The following KPNA7 variants were observed in gnomAD, a reference collection of about 807,000 sequenced individuals.
KPNA7 encodes the protein karyopherin subunit alpha 7, also known as importin subunit alpha-8.
A neutral mutation model predicts 53.7 loss-of-function variants in KPNA7; 54 were observed. That is an observed-to-expected ratio of 1.01 (90% CI 0.81 to 1.26). The LOEUF (loss-of-function observed/expected upper bound fraction) is 1.26, where lower values mean the gene tolerates loss of function less well. Among genes scored for constraint, KPNA7 ranks in the 50% most tolerant of loss-of-function variants. KPNA7 has a pLI of 0.00. For missense variants in KPNA7, 640 were observed against 644.5 expected, an observed-to-expected ratio of 0.99 and a Z score of 0.07; for synonymous variants, 276 against 259.3, an observed-to-expected ratio of 1.06 and a Z score of -0.62.
chr7:99,207,956 C>CAGA (rs908480714), intron 1 of KPNA7, among the ~76,000 whole-genome samples, 72 bp downstream of exon 1: 1 of 150,594 alleles, frequency 6.6e-6, no homozygotes, highest in Non-Finnish European at 1.5e-5. Flanking sequence ...TTTTTGGGAC[C>CAGA]AGAGAAGCTG....
intron 7 of KPNA7, among the ~76,000 whole-genome samples, chr7:99,187,485 C>G (rs907864599): frequency 6.6e-6 from 1 of 151,154 alleles, no homozygotes; most frequent in Non-Finnish European, 1.5e-5. Context: ...AACTTCTGGG[C>G]TCAATAAATT....
chr7:99,204,070 A>G (rs1419312733), intron 2 of KPNA7, among the ~76,000 whole-genome samples: 1 of 152,098 alleles, frequency 6.6e-6, no homozygotes, highest in Admixed American at 6.6e-5. Flanking sequence ...CCAAGTCTAC[A>G]TACTGAGGGA....
chr7:99,181,898 G>A lies in KPNA7; in HGVS notation c.1302C>T (p.Ile434=), dbSNP rs1789265216. ...AACGGCTCACCTGGAGGATGCAAGA[G>A]ATGACATCAAGGATGATGAGAACAA... The part of the protein sequence containing the change: ...VKIVLIILDV[I]SCILQAAEKR... The change falls in exon 9 of 11, where the codon ATC becomes ATT. Residue 434 remains isoleucine (I), a synonymous_variant. Coordinates refer to ENST00000327442, the MANE Select transcript of KPNA7 (RefSeq NM_001145715.3). 2 of 1,546,090 alleles carry A rather than the reference G, an allele frequency of 1.3e-6. No individual in the cohort carries two copies. Among genetic ancestry groups the A allele is most frequent in the Admixed American group, 2.0e-5 (1 of 50,792 alleles).
At chr7:99,219,141 G>A (rs2150792932) in intron 1 of KPNA7, among the ~76,000 whole-genome samples, 1 of 152,360 alleles carries the variant, frequency 6.6e-6, no homozygotes, top group East Asian at 1.9e-4. Flanking sequence ...GCAAGAGGCT[G>A]ATTGAGTTGG....
At position 99,173,702 on chromosome 7, in the gene KPNA7, G is replaced by T; in HGVS notation, c.*6C>A. On this transcript the variant is annotated 3_prime_UTR_variant, in exon 11 of 11. Transcript: ENST00000327442. ...GGGTTGTTGGTTTAGGAGGTAGGGA[G>T]CTTGGCTATTTTTTTGCTAAGCATT... 6.5e-7 allele frequency: 1 copy of T among 1,539,968 alleles called. No individual in the cohort carries two copies. The highest frequency in any genetic ancestry group is 1.4e-5 in the African/African-American group (1 of 72,938).
chr7:99,151,884 A>G, the KPNA7 span, among the ~76,000 whole-genome samples: 4 of 152,230 alleles, frequency 2.6e-5, no homozygotes, highest in Admixed American at 6.5e-5. Context: ...ACATAAATGC[A>G]TCATTAAAAC....
At chr7:99,193,958 A>C (rs749001005) in intron 5 of KPNA7, among the ~76,000 whole-genome samples, 1 of 152,168 alleles carries the variant, frequency 6.6e-6, no homozygotes, top group African/African-American at 2.4e-5. Context: ...GATTAAAGGC[A>C]TGAGTCACTA....
chr7:99,165,387 G>A, the KPNA7 span, among the ~76,000 whole-genome samples: 1 of 151,912 alleles, frequency 6.6e-6, no homozygotes, highest in Non-Finnish European at 1.5e-5. Context: ...GAGGAAAGAG[G>A]GTACAGAGTC....
chr7:99,217,229 C>T (rs1016637860), intron 1 of KPNA7, among the ~76,000 whole-genome samples: 1 of 152,164 alleles, frequency 6.6e-6, no homozygotes, highest in African/African-American at 2.4e-5. Context: ...GTGCCCAGCC[C>T]GGCTGCAGCT....
intron 9 of KPNA7, among the ~76,000 whole-genome samples, chr7:99,178,618 A>C (rs1387364117): frequency 6.6e-6 from 1 of 151,860 alleles, no homozygotes; most frequent in African/African-American, 2.4e-5. Context: ...AAGGTATCAC[A>C]ATTTTGTTAA....
chr7:99,169,647 T>A (rs1798735669), downstream of KPNA7, among the ~76,000 whole-genome samples: 1 of 151,930 alleles, frequency 6.6e-6, no homozygotes, highest in East Asian at 1.9e-4. Context: ...ACCTTGTTCC[T>A]GTGCCCTGCC....
intron 2 of KPNA7, among the ~76,000 whole-genome samples, chr7:99,205,621 A>C (rs560610490): frequency 6.6e-6 from 1 of 152,216 alleles, no homozygotes; most frequent in South Asian, 2.1e-4. Context: ...AGGCCAAGAC[A>C]GGCAGATCAC....
intron 9 of KPNA7, among the ~76,000 whole-genome samples, chr7:99,180,290 C>G (rs1055582276): frequency 1.3e-5 from 2 of 152,056 alleles, no homozygotes; most frequent in African/African-American, 4.8e-5. Flanking sequence ...TGACTTGAAC[C>G]CAGGAGTTAG....
intron 8 of KPNA7, among the ~76,000 whole-genome samples, chr7:99,184,099 T>C (rs1437299873): frequency 6.6e-6 from 1 of 151,896 alleles, no homozygotes; most frequent in Non-Finnish European, 1.5e-5. Context: ...TCCACTTGCC[T>C]TGGCCTCCCA....
At chr7:99,153,795 C>T in the KPNA7 span, among the ~76,000 whole-genome samples, 2 of 151,724 alleles carry the variant, frequency 1.3e-5, no homozygotes, top group Admixed American at 6.6e-5. Flanking sequence ...ATAGCAAGAC[C>T]TCATCTCTAC....
rs1563075214 is a variant in KPNA7, at chr7:99,187,822, A to ATT, written c.900+477_900+478insAA. Among the ~76,000 whole-genome samples the ATT allele has an allele frequency of 1.5e-3, 193 of 126,146 alleles. 4 individuals are homozygous for ATT. The highest frequency in any genetic ancestry group is 4.7e-3 in the African/African-American group (150 of 31,672). 82.8% of individuals were successfully genotyped at this position (126,146 alleles called of 152,430 possible). A position where few individuals can be genotyped will look rare whatever the true frequency, so the allele number is the denominator to read the frequency against. On this transcript the variant is annotated intron_variant, in intron 7 of 10. Coordinates refer to ENST00000327442, the MANE Select transcript of KPNA7 (RefSeq NM_001145715.3). Reference sequence around the variant, plus strand: ...TTTAAAAAAAAAAAAAAAAAAAAAAAAAAAAAAAAAAAACCCACTAGGATT... The same window carrying ATT: ...TTTAAAAAAAAAAAAAAAAAAAAAAATTAAAAAAAAAAAAACCCACTAGGATT...
intron 1 of KPNA7, among the ~76,000 whole-genome samples, chr7:99,218,210 A>C (rs1282350979): frequency 1.3e-5 from 2 of 151,820 alleles, no homozygotes; most frequent in South Asian, 2.1e-4. Flanking sequence ...TATGTTGCCT[A>C]CTCTGGTCTC....
intron 5 of KPNA7, among the ~76,000 whole-genome samples, chr7:99,193,811 G>A (rs189414595): frequency 2.0e-4 from 30 of 152,048 alleles, no homozygotes; most frequent in Admixed American, 1.7e-3. Flanking sequence ...CTGAGTAGCT[G>A]GGACTATAGG....
chr7:99,217,255 T>C (rs1791239447), intron 1 of KPNA7, among the ~76,000 whole-genome samples: 1 of 152,186 alleles, frequency 6.6e-6, no homozygotes, highest in South Asian at 2.1e-4. Context: ...GGCACTGACA[T>C]GGTAATTCGA....
Sources: allele counts gnomAD v4.1 joint callset (sites outside exome capture counted in the v4.1 genomes callset), GRCh38; gene constraint gnomAD v4.1.1; transcripts MANE v1.5; gene names NCBI Gene and HGNC (gene_info 2026-07-23, HGNC 2026-07-21).